GPATCH3: variants seen among roughly 807,000 people sequenced by gnomAD.
GPATCH3 encodes the protein G patch domain-containing protein 3.
GPATCH3 carries 45 observed loss-of-function variants against 53.2 expected under a neutral mutation model. That is an observed-to-expected ratio of 0.85 (90% confidence interval 0.67 to 1.08). The LOEUF (loss-of-function observed/expected upper bound fraction) is 1.08. GPATCH3 is among the 50% of genes least tolerant of loss of function. The pLI is 0.00. For synonymous variants in GPATCH3, 280 were observed against 270.6 expected, an observed-to-expected ratio of 1.03 and a Z score of -0.34; for missense variants, 680 against 687.2, an observed-to-expected ratio of 0.99 and a Z score of 0.12.
chr1:26,893,451 G>T lies in GPATCH3; in HGVS notation c.1052-3C>A. ...ATCGGCTGTCTGTTCATCAAAATCT[G>T]TAGGGACAGAAAAGCATCCAACAGA... is the stretch of plus-strand genomic sequence containing the variant. On this transcript the variant is annotated splice_region_variant and splice_polypyrimidine_tract_variant and intron_variant, in intron 3 of 6. Coordinates refer to ENST00000361720, the MANE Select transcript of GPATCH3 (RefSeq NM_022078.3). The T allele has an allele frequency of 6.3e-7, 1 of 1,599,804 alleles. No homozygotes were observed. Among genetic ancestry groups the T allele is most frequent in the Non-Finnish European group, 8.5e-7 (1 of 1,170,610 alleles).
chr1:26,895,319 G>C (rs1011555126), intron 2 of GPATCH3, among the ~76,000 whole-genome samples: 3 of 151,928 alleles, frequency 2.0e-5, no homozygotes, highest in Non-Finnish European at 4.4e-5. Flanking sequence ...GAGCTCAGAG[G>C]TTCAAGACCA....
At position 26,890,970 on chromosome 1, in the gene GPATCH3, GT is replaced by G. The variant is rs2081921917; in HGVS notation, c.*39del. 2 of 1,561,094 alleles carry G rather than the reference GT, an allele frequency of 1.3e-6. No individual in the cohort carries two copies. Among genetic ancestry groups the G allele is most frequent in the Non-Finnish European group, 1.8e-6 (2 of 1,132,278 alleles). On this transcript the variant is annotated 3_prime_UTR_variant, in exon 7 of 7. Transcript: ENST00000361720. The stretch of plus-strand genomic sequence containing the variant: ...GTGGTAGATGAGGCCAGGGCAGAGG[GT>G]TTTCATCATGTAGCTATGAAAGGAA...
In GPATCH3 at chr1:26,892,776, T is replaced by C. The variant is rs768465425; in HGVS notation, c.1127A>G (p.Asp376Gly). 10 of 1,614,058 alleles carry C rather than the reference T, an allele frequency of 6.2e-6. No homozygotes were observed. In the Admixed American group the frequency reaches 1.3e-4, roughly 22 times the overall value. Residue 376 changes from aspartate to glycine, a missense_variant, in exon 5 of 7, where the codon GAT becomes GGT. Transcript: ENST00000361720. ...VYYDRDGGDKDARDSVQMRLE... is the reference protein window; with the variant it reads ...VYYDRDGGDKGARDSVQMRLE... ...ACGCATTTGGACAGAGTCTCGGGCA[T>C]CCTTGTCTCCACCATCTGAGGAAAC...
rs774284477 is a variant in GPATCH3, at chr1:26,892,448, T to G, written c.1324A>C (p.Ser442Arg). The G allele has an allele frequency of 6.2e-6, 10 of 1,613,796 alleles. No homozygotes were observed. The highest frequency in any genetic ancestry group is 8.5e-6 in the Non-Finnish European group (10 of 1,179,894). The change falls in exon 6 of 7, where the codon AGT becomes CGT. Residue 442 changes from serine (S) to arginine (R), a missense_variant. Physicochemically the swap from Ser to Arg is moderately radical, Grantham distance 110. Coordinates refer to ENST00000361720, the MANE Select transcript of GPATCH3 (RefSeq NM_022078.3). ...RCSGVPEALD[S>R]DGQHPRCKRG... ...TTGCATCTGGGGTGTTGGCCATCACTATCCAGGGCCTCAGGCACCCCTGAG... is the reference window on the plus strand; with the variant it reads ...TTGCATCTGGGGTGTTGGCCATCACGATCCAGGGCCTCAGGCACCCCTGAG...
In GPATCH3 at chr1:26,900,287, C is replaced by T; in HGVS notation, c.156G>A (p.Arg52=). ...GGFLCFHYRH[R]PERAPPQAAP... Reference sequence around the variant, plus strand: ...CGGCCTGCGGAGGGGCCCGCTCAGGCCGATGCCGGTAGTGGAAACAGAGGA... The same window carrying T: ...CGGCCTGCGGAGGGGCCCGCTCAGGTCGATGCCGGTAGTGGAAACAGAGGA... The change falls in exon 1 of 7, where the codon CGG becomes CGA. Residue 52 remains arginine (R), a synonymous_variant. Coordinates refer to ENST00000361720, the MANE Select transcript of GPATCH3 (RefSeq NM_022078.3). 1.2e-6 allele frequency: 2 copies of T among 1,613,930 alleles called. No individual in the cohort carries two copies. Among genetic ancestry groups the T allele is most frequent in the Non-Finnish European group, 1.7e-6 (2 of 1,180,004 alleles).
Position 26,890,549 on chromosome 1 carries a change from TC to T in GPATCH3, c.*460del, listed in dbSNP as rs1357944412. The T allele has an allele frequency of 2.9e-5, 9 of 309,916 alleles. No homozygotes were observed. Among genetic ancestry groups the T allele is most frequent in the African/African-American group, 1.9e-4 (9 of 46,702 alleles). 19.2% of individuals were successfully genotyped at this position (309,916 alleles called of 1,614,324 possible). ...CACACCCAAGCCACCTCCCGCGGAC[TC>T]TCCGCTGGCAGTCCCACCCAGTGAG... On this transcript the variant is annotated 3_prime_UTR_variant, in exon 7 of 7. Transcript: ENST00000361720.
In GPATCH3 at chr1:26,892,536, G is replaced by A; in HGVS notation, c.1236C>T (p.Gly412=). Residue 412 remains glycine, a splice_region_variant and synonymous_variant, in exon 6 of 7, where the codon GGC becomes GGT. Coordinates refer to ENST00000361720, the MANE Select transcript of GPATCH3 (RefSeq NM_022078.3). The part of the protein sequence containing the change: ...QVGTFERHTK[G]IGRKVMERQG... ...GCCGCTCCATCACCTTCCGCCCAAT[G>A]CCCTGCAGAGTGAAGGGACAAGACT... 1 of 1,611,434 alleles carries A rather than the reference G, an allele frequency of 6.2e-7. No homozygotes were observed. Among genetic ancestry groups the A allele is most frequent in the South Asian group, 1.1e-5 (1 of 91,052 alleles).
Position 26,894,356 on chromosome 1 carries a change from T to A in GPATCH3, c.931A>T (p.Thr311Ser). ...TGCTCAGTGGTCCGCTCCTGCCCGG[T>A]CACGTCCTCATGCAGCGCTTCATGC... is the stretch of plus-strand genomic sequence containing the variant. Reference protein sequence around the residue: ...ERHEALHEDVTGQERTTEQLF... With the variant: ...ERHEALHEDVSGQERTTEQLF... Residue 311 changes from threonine to serine, a missense_variant, in exon 3 of 7, where the codon ACC becomes TCC. Thr to Ser is a moderately conservative substitution (Grantham distance 58). Transcript: ENST00000361720. 6.2e-7 allele frequency: 1 copy of A among 1,613,990 alleles called. No homozygotes were observed. Among genetic ancestry groups the A allele is most frequent in the Non-Finnish European group, 8.5e-7 (1 of 1,179,950 alleles).
chr1:26,892,311 C>T, intron 6 of GPATCH3, 100 bp downstream of exon 6: 1 of 1,410,250 alleles, frequency 7.1e-7, no homozygotes. Flanking sequence ...TTTCATCCCG[C>T]ACGAGTACCC....
intron 2 of GPATCH3, among the ~76,000 whole-genome samples, chr1:26,894,635 C>T (rs2081943090): frequency 6.6e-6 from 1 of 152,150 alleles, no homozygotes; most frequent in African/African-American, 2.4e-5. Context: ...CGCGTTTGGC[C>T]ATGTTGTTCC....
At chr1:26,894,142 G>A in intron 3 of GPATCH3, 94 bp downstream of exon 3, 1 of 1,262,462 alleles carries the variant, frequency 7.9e-7, no homozygotes. Flanking sequence ...CCTTTTGTTT[G>A]GGCTCACCAC....
Position 26,890,898 on chromosome 1 carries a change from C to A in GPATCH3, c.*112G>T. Reference sequence around the variant, plus strand: ...GCAGGCAGGCTCGGAACAAAACACCCTGAACCAGCCACGAAGACTGCTGCT... The same window carrying A: ...GCAGGCAGGCTCGGAACAAAACACCATGAACCAGCCACGAAGACTGCTGCT... On this transcript the variant is annotated 3_prime_UTR_variant, in exon 7 of 7. Transcript: ENST00000361720. 9.4e-7 allele frequency: 1 copy of A among 1,065,392 alleles called. No homozygotes were observed. The allele number at this position is 1,065,392 out of a possible 1,614,324, so 66.0% of individuals were successfully genotyped here.
At position 26,894,353 on chromosome 1, in the gene GPATCH3, C is replaced by T. The variant is rs140800689; in HGVS notation, c.934G>A (p.Gly312Arg). The change falls in exon 3 of 7, where the codon GGG becomes AGG. Residue 312 changes from glycine (G) to arginine (R), a missense_variant. By Grantham distance (125) the Gly-to-Arg change is moderately radical. Transcript: ENST00000361720. ...RHEALHEDVT[G>R]QERTTEQLFE... is the part of the protein sequence containing the mutation. Reference sequence around the variant, plus strand: ...AGCTGCTCAGTGGTCCGCTCCTGCCCGGTCACGTCCTCATGCAGCGCTTCA... The same window carrying T: ...AGCTGCTCAGTGGTCCGCTCCTGCCTGGTCACGTCCTCATGCAGCGCTTCA... The T allele has an allele frequency of 1.5e-4, 242 of 1,614,102 alleles. 2 individuals carry two copies. Among genetic ancestry groups the T allele is most frequent in the South Asian group, 2.9e-4 (26 of 91,080 alleles).
rs147466548 is a variant in GPATCH3 at position 26,897,486 on chromosome 1, G to C, written c.691C>G (p.Arg231Gly). The change falls in exon 2 of 7, where the codon CGC (arginine) becomes GGC (glycine). Residue 231 changes from arginine to glycine, a missense_variant. Coordinates refer to ENST00000361720, the MANE Select transcript of GPATCH3 (RefSeq NM_022078.3). ...TACTCAAAAGGCACATTGCCGTAGC[G>C]CCGGGAGGAACCTGTCTTGGGGAAC... Reference protein sequence around the residue: ...LQFPKTGSSRRYGNVPFEYED... With the variant: ...LQFPKTGSSRGYGNVPFEYED... 1.9e-6 allele frequency: 3 copies of C among 1,614,188 alleles called. No individual in the cohort carries two copies. Among genetic ancestry groups the C allele is most frequent in the South Asian group, 2.2e-5 (2 of 91,088 alleles).
Position 26,892,913 on chromosome 1 carries a change from T to C in GPATCH3, c.1112-122A>G, listed in dbSNP as rs1347752213. 3 of 1,232,944 alleles carry C rather than the reference T, an allele frequency of 2.4e-6. No homozygotes were observed. The East Asian group carries it at 7.1e-5, about 29-fold the overall frequency. The allele number at this position is 1,232,944 out of a possible 1,614,324, so 76.4% of individuals were successfully genotyped here. A position where few individuals can be genotyped will look rare whatever the true frequency, so the allele number is the denominator to read the frequency against. On this transcript the variant is annotated intron_variant, in intron 4 of 6. Transcript: ENST00000361720. ...TTAATAGTGTTCTGTATCTCTCTCA[T>C]TAGACTGGGAGCTCCCCAAAAGTAG...
intron 1 of GPATCH3, among the ~76,000 whole-genome samples, chr1:26,899,560 G>C (rs1330022524): frequency 1.3e-5 from 2 of 152,212 alleles, no homozygotes; most frequent in East Asian, 3.8e-4. Context: ...GCTCTGCACT[G>C]TCCTGTTTCC....
At chr1:26,897,790 T>A in intron 1 of GPATCH3, 65 bp from the exon 2 acceptor site, 1 of 1,353,290 alleles carries the variant, frequency 7.4e-7, no homozygotes, top group Non-Finnish European at 1.0e-6. Flanking sequence ...AGCCAGAAAT[T>A]GGCCAATGTT....
rs1553161007 is a variant in GPATCH3 at position 26,896,541 on chromosome 1, A to AAT, written c.876+759_876+760insAT. On this transcript the variant is annotated intron_variant, in intron 2 of 6. Transcript: ENST00000361720. The stretch of plus-strand genomic sequence containing the variant: ...CCTGTCTCTACTAAAAATAAAAAAA[A>AAT]AAAAAAAAATTAGCCGGGCGTGGTG... 9.7e-3 allele frequency among the ~76,000 whole-genome samples: 1,438 copies of AAT among 148,844 alleles called. 32 individuals are homozygous for AAT. Among genetic ancestry groups the AAT allele is most frequent in the African/African-American group, 0.033 (1,344 of 40,500 alleles).
chr1:26,897,575 A>ATC lies in GPATCH3; in HGVS notation c.601_602insGA (p.Val201GlyfsTer6). The stretch of plus-strand genomic sequence containing the variant: ...GCAGGCCCGGATCAACTCCAAAAAG[A>ATC]CCCGCAGGGGAGTCCCCACATTCCC... On this transcript the variant is annotated frameshift_variant, in exon 2 of 7. Coordinates refer to ENST00000361720, the MANE Select transcript of GPATCH3 (RefSeq NM_022078.3). LOFTEE classifies it high-confidence loss of function. The ATC allele has an allele frequency of 6.2e-7, 1 of 1,614,138 alleles. No homozygotes were observed. Among genetic ancestry groups the ATC allele is most frequent in the South Asian group, 1.1e-5 (1 of 91,078 alleles).
Sources: allele counts gnomAD v4.1 joint callset (sites outside exome capture counted in the v4.1 genomes callset), GRCh38; gene constraint gnomAD v4.1.1; transcripts MANE v1.5; gene names NCBI Gene and HGNC (gene_info 2026-07-23, HGNC 2026-07-21).